Variants in YES1 observed in about 807,000 individuals in gnomAD.
YES1 encodes the protein tyrosine-protein kinase Yes.
A neutral mutation model predicts 70.4 loss-of-function variants in YES1; 39 were observed. The observed-to-expected ratio is 0.55, with a 90% CI of 0.43 to 0.72. The LOEUF is 0.72. Ranked by LOEUF, YES1 falls within the 30% of genes least tolerant of loss-of-function variation. The probability of loss-of-function intolerance (pLI) is 0.00; values close to 1 mark genes in which losing one functional copy is unlikely to be tolerated. For missense variants in YES1, 495 were observed against 644.8 expected (o/e 0.77, Z 2.52); for synonymous variants, 198 against 218.6 (o/e 0.91, Z 0.83).
At chr18:811,723 G>A (rs62088358) in intron 1 of YES1, among the ~76,000 whole-genome samples, 8,585 of 152,220 alleles carry the variant, frequency 0.056, 329 homozygotes, top group East Asian at 0.099. Flanking sequence ...CAGCCTTTAG[G>A]ACCCAAAGGG....
chr18:746,190 TA>T, intron 4 of YES1, 139 bp from the exon 5 acceptor site: 1 of 633,732 alleles, frequency 1.6e-6, no homozygotes, highest in East Asian at 2.7e-5. Context: ...CAGGAAAATG[TA>T]AGAGTTTTAT....
At chr18:728,238 A>G (rs892845941) in intron 11 of YES1, among the ~76,000 whole-genome samples, 7 of 151,806 alleles carry the variant, frequency 4.6e-5, no homozygotes, top group Admixed American at 6.6e-5. Flanking sequence ...AGGTGGGAGG[A>G]TCACCTGAGC....
At chr18:726,781 C>CAAAAAAAAAAAAAAAAAAAAAAAAA (rs58322434) in intron 11 of YES1, among the ~76,000 whole-genome samples, 1 of 47,232 alleles carries the variant, frequency 2.1e-5, no homozygotes, top group Non-Finnish European at 3.5e-5. Flanking sequence ...ACTCTTGTCT[C>CAAAAAAAAAAAAAAAAAAAAAAAAA]AAAAAAAAAA....
chr18:772,204 T>C (rs566361231), intron 1 of YES1, among the ~76,000 whole-genome samples: 1 of 151,854 alleles, frequency 6.6e-6, no homozygotes, highest in African/African-American at 2.4e-5. Context: ...TAATTTTGTA[T>C]TTTCAGTACA....
intron 1 of YES1, among the ~76,000 whole-genome samples, chr18:798,346 G>A (rs1056943034): frequency 3.3e-5 from 5 of 151,988 alleles, no homozygotes; most frequent in Admixed American, 6.6e-5. Flanking sequence ...CTGAAACATC[G>A]GTCATTGTAA....
intron 1 of YES1, among the ~76,000 whole-genome samples, chr18:800,148 A>G (rs2145832647): frequency 6.6e-6 from 1 of 152,356 alleles, no homozygotes; most frequent in Middle Eastern, 3.4e-3. Context: ...CACTTCAAAG[A>G]GTCTTGAGTA....
intron 1 of YES1, among the ~76,000 whole-genome samples, chr18:809,573 T>G (rs112614283): frequency 0.013 from 1,981 of 152,254 alleles, 53 homozygotes; most frequent in African/African-American, 0.045. Flanking sequence ...AGTGCTGGGA[T>G]TACAGGTGTG....
At chr18:768,184 C>A (rs1904996530) in intron 1 of YES1, among the ~76,000 whole-genome samples, 1 of 152,158 alleles carries the variant, frequency 6.6e-6, no homozygotes, top group African/African-American at 2.4e-5. Context: ...TGTTAAAAAA[C>A]CATTTCCAAA....
intron 1 of YES1, among the ~76,000 whole-genome samples, chr18:769,162 A>C (rs892005970): frequency 2.0e-5 from 3 of 152,214 alleles, no homozygotes; most frequent in African/African-American, 7.2e-5. Context: ...GGTTTATGTA[A>C]GCACACTGCA....
At chr18:808,091 C>A (rs1194594115) in intron 1 of YES1, among the ~76,000 whole-genome samples, 1 of 152,208 alleles carries the variant, frequency 6.6e-6, no homozygotes, top group Non-Finnish European at 1.5e-5. Flanking sequence ...TTACAGGATT[C>A]TCTGTCTTTC....
chr18:756,929 C>G, intron 1 of YES1, 94 bp from the exon 2 acceptor site: 1 of 1,206,576 alleles, frequency 8.3e-7, no homozygotes, highest in Non-Finnish European at 1.1e-6. Flanking sequence ...AAAGCATATG[C>G]CATCCCTGCA....
chr18:742,425 C>G (rs1275032880), intron 8 of YES1, among the ~76,000 whole-genome samples: 1 of 149,590 alleles, frequency 6.7e-6, no homozygotes, highest in Non-Finnish European at 1.5e-5. Flanking sequence ...TCAAGACCAG[C>G]CTGGGCAACA....
chr18:786,494 CAT>C (rs1169071400), intron 1 of YES1, among the ~76,000 whole-genome samples: 139 of 93,262 alleles, frequency 1.5e-3, no homozygotes, highest in Non-Finnish European at 1.9e-3. Context: ...TTAATAAGTC[CAT>C]ACACACACAC....
intron 1 of YES1, among the ~76,000 whole-genome samples, chr18:783,838 G>A (rs1017458259): frequency 2.6e-5 from 4 of 151,974 alleles, no homozygotes; most frequent in Non-Finnish European, 5.9e-5. Context: ...AGTCTTGAAC[G>A]CCTGACATCA....
chr18:724,899 A>G (rs565705597), intron 11 of YES1, among the ~76,000 whole-genome samples: 2 of 152,276 alleles, frequency 1.3e-5, no homozygotes, highest in Admixed American at 1.3e-4. Flanking sequence ...CATTTGATTA[A>G]TAAGAATTTA....
Position 756,806 on chromosome 18 carries a change from C to G in YES1, c.22G>C (p.Glu8Gln), listed in dbSNP as rs760359350. 1 of 1,613,664 alleles carries G rather than the reference C, an allele frequency of 6.2e-7. No individual in the cohort carries two copies. Among genetic ancestry groups the G allele is most frequent in the South Asian group, 1.1e-5 (1 of 91,064 alleles). The change falls in exon 2 of 12, where the codon GAA (glutamate) becomes CAA (glutamine). Residue 8 changes from glutamate to glutamine, a missense_variant. Physicochemically the swap from Glu to Gln is conservative, Grantham distance 29. This residue lies in a region of YES1 where 110 missense variants were observed against 104.0 expected (regional missense o/e 1.06). Coordinates refer to ENST00000314574, the MANE Select transcript of YES1 (RefSeq NM_005433.4). MGCIKSK[E>Q]NKSPAIKYRP... is the part of the protein sequence containing the mutation. Reference sequence around the variant, plus strand: ...TATTTAATGGCTGGACTTTTGTTTTCTTTACTTTTAATGCAGCCCATTATC... The same window carrying G: ...TATTTAATGGCTGGACTTTTGTTTTGTTTACTTTTAATGCAGCCCATTATC...
intron 8 of YES1, among the ~76,000 whole-genome samples, chr18:741,973 T>G (rs1202581803): frequency 6.6e-6 from 1 of 152,174 alleles, no homozygotes; most frequent in Admixed American, 6.5e-5. Context: ...AGTCCCCTTT[T>G]GAGGGGAAAA....
intron 1 of YES1, among the ~76,000 whole-genome samples, chr18:768,353 G>C (rs1905002206): frequency 6.6e-6 from 1 of 152,186 alleles, no homozygotes; most frequent in Non-Finnish European, 1.5e-5. Context: ...TTAATCTATA[G>C]ATCAATCTGG....
At position 723,775 on chromosome 18, in the gene YES1, T is replaced by A. The variant is rs936471268; in HGVS notation, c.*649A>T. ...AAAAGTTCTTATTCTTTCAGTTCCA[T>A]GAACATGAATATTAATGTACTGCAT... On this transcript the variant is annotated 3_prime_UTR_variant, in exon 12 of 12. Transcript: ENST00000314574. 2.0e-5 allele frequency: 3 copies of A among 152,682 alleles called. No homozygotes were observed. Among genetic ancestry groups the A allele is most frequent in the African/African-American group, 7.2e-5 (3 of 41,472 alleles). 9.5% of individuals were successfully genotyped at this position (152,682 alleles called of 1,614,324 possible).
Sources: gnomAD v4.1 joint callset for allele counts (sites outside exome capture counted in the v4.1 genomes callset) on GRCh38, gnomAD v4.1.1 for gene constraint, gnomAD v4.1.1 regional missense constraint, MANE v1.5 for transcripts, NCBI Gene and HGNC (gene_info 2026-07-23, HGNC 2026-07-21) for gene names.